Variants in ZNF689 observed in about 807,000 individuals in gnomAD.
ZNF689 encodes zinc finger protein 689.
Under a neutral mutation model 37.2 loss-of-function variants are expected in ZNF689, and 14 were observed. That is an observed-to-expected ratio of 0.38 (90% CI 0.25 to 0.59). The LOEUF (loss-of-function observed/expected upper bound fraction) is 0.59. Ranked by LOEUF, ZNF689 falls within the 20% of genes least tolerant of loss-of-function variation. The probability of loss-of-function intolerance (pLI) is 0.68; values close to 1 mark genes in which losing one functional copy is unlikely to be tolerated. For missense variants in ZNF689, 573 were observed against 700.2 expected, an observed-to-expected ratio of 0.82 and a Z score of 2.05; for synonymous variants, 277 against 283.3, an observed-to-expected ratio of 0.98 and a Z score of 0.22.
chr16:30,606,433 CCTAT>C (rs1372364750), intron 2 of ZNF689, among the ~76,000 whole-genome samples: 1 of 152,132 alleles, frequency 6.6e-6, no homozygotes, highest in African/African-American at 2.4e-5. Context: ...TGTCACCTTC[CCTAT>C]CTTTCTTTCA....
chr16:30,604,664 G>C lies in ZNF689; in HGVS notation c.1103C>G (p.Thr368Ser), dbSNP rs762070941. 6.2e-7 allele frequency: 1 copy of C among 1,611,192 alleles called. No homozygotes were observed. The highest frequency in any genetic ancestry group is 1.3e-5 in the African/African-American group (1 of 74,870). ...STLLQHQLLH[T>S]GEKPYPCPDC... ...TGGGCAGGGGTAGGGCTTCTCTCCG[G>C]TGTGCAAGAGCTGGTGCTGGAGCAG... The change falls in exon 3 of 3, where the codon ACC (threonine) becomes AGC (serine). Residue 368 changes from threonine to serine, a missense_variant. Transcript: ENST00000287461. This position sits in a 1 kb window ranked among gnomAD's most constrained non-coding sequence, Gnocchi z 5.2.
At position 30,605,527 on chromosome 16, in the gene ZNF689, T is replaced by C. The variant is rs1201732087; in HGVS notation, c.320-80A>G. 3.5e-6 allele frequency: 5 copies of C among 1,415,396 alleles called. No individual in the cohort carries two copies. Among genetic ancestry groups the C allele is most frequent in the African/African-American group, 1.4e-5 (1 of 69,648 alleles). 87.7% of individuals were successfully genotyped at this position (1,415,396 alleles called of 1,614,324 possible). On this transcript the variant is annotated intron_variant, in intron 2 of 2. Transcript: ENST00000287461. This position sits in a 1 kb window ranked among gnomAD's most constrained non-coding sequence, Gnocchi z 5.1. The stretch of plus-strand genomic sequence containing the variant: ...ATTACATTATAGGTTACAAGACCAA[T>C]AGACTCACCCCCTGGTCTCAATTCC...
In ZNF689 at chr16:30,605,021, G is replaced by T; in HGVS notation, c.746C>A (p.Ala249Asp). 6.2e-7 allele frequency: 1 copy of T among 1,610,380 alleles called. No homozygotes were observed. The change falls in exon 3 of 3, where the codon GCC (alanine) becomes GAC (aspartate). Residue 249 changes from alanine (A) to aspartate (D), a missense_variant. By Grantham distance (126) the Ala-to-Asp change is moderately radical. Around this residue, in one of 3 missense-constraint regions of ZNF689, gnomAD observed 317 missense variants for 367.1 expected, o/e 0.86. Coordinates refer to ENST00000287461, the MANE Select transcript of ZNF689 (RefSeq NM_138447.3). This position sits in a 1 kb window ranked among gnomAD's most constrained non-coding sequence, Gnocchi z 5.1. The part of the protein sequence containing the change: ...GRCFRRSRSL[A>D]NHRTTHTGEK... Reference sequence around the variant, plus strand: ...ACCTGTGTGTGTGGTCCGGTGATTGGCCAAGGACCGGCTCCTCCGGAAGCA... The same window carrying T: ...ACCTGTGTGTGTGGTCCGGTGATTGTCCAAGGACCGGCTCCTCCGGAAGCA...
At chr16:30,609,126 G>C (rs2052064141) in intron 2 of ZNF689, among the ~76,000 whole-genome samples, 2 of 152,170 alleles carry the variant, frequency 1.3e-5, no homozygotes, top group Non-Finnish European at 2.9e-5. Flanking sequence ...AGGAGGCAGA[G>C]GGTAGCACCT....
chr16:30,610,364 A>C lies in ZNF689; in HGVS notation c.-323T>G. On this transcript the variant is annotated 5_prime_UTR_variant, in exon 1 of 3. Coordinates refer to ENST00000287461, the MANE Select transcript of ZNF689 (RefSeq NM_138447.3). ...ACCGGAGCGCCATGCCGGCTTCCTA[A>C]CCTCTTTGCCCTCAAGTGTAATGGC... The C allele has an allele frequency of 2.9e-6, 1 of 344,794 alleles. No homozygotes were observed. Among genetic ancestry groups the C allele is most frequent in the Non-Finnish European group, 5.3e-6 (1 of 187,464 alleles). 21.4% of individuals were successfully genotyped at this position (344,794 alleles called of 1,614,324 possible). A position where few individuals can be genotyped will look rare whatever the true frequency, so the allele number is the denominator to read the frequency against.
rs1257099960 is a variant in ZNF689 at position 30,609,426 on chromosome 16, C to T, written c.319+99G>A. The T allele has an allele frequency of 2.4e-5, 24 of 996,300 alleles. No individual in the cohort carries two copies. In the Admixed American group the frequency reaches 4.9e-4, roughly 20 times the overall value. 61.7% of individuals were successfully genotyped at this position (996,300 alleles called of 1,614,324 possible). On this transcript the variant is annotated intron_variant, in intron 2 of 2. Coordinates refer to ENST00000287461, the MANE Select transcript of ZNF689 (RefSeq NM_138447.3). ...TGGGAAGATGAATATACTAAATACG[C>T]GGCACCCACCCCTAGCCCAACCAAA...
chr16:30,604,515 T>C lies in ZNF689; in HGVS notation c.1252A>G (p.Ser418Gly). 8.1e-6 allele frequency: 13 copies of C among 1,595,786 alleles called. No individual in the cohort carries two copies. The highest frequency in any genetic ancestry group is 1.1e-5 in the Non-Finnish European group (13 of 1,171,530). The change falls in exon 3 of 3, where the codon AGC becomes GGC. Residue 418 changes from serine (S) to glycine (G), a missense_variant. Physicochemically the swap from Ser to Gly is moderately conservative, Grantham distance 56. This residue lies in a region of ZNF689 where 317 missense variants were observed against 367.1 expected (regional missense o/e 0.86). Coordinates refer to ENST00000287461, the MANE Select transcript of ZNF689 (RefSeq NM_138447.3). This position sits in a 1 kb window ranked among gnomAD's most constrained non-coding sequence, Gnocchi z 5.2. ...TCGCCCGAGTGCACGCGCCGGTGGC[T>C]GGCCAGCAGTGAGGGGTAGGCAAAG... ...RRFAYPSLLA[S>G]HRRVHSGERP...
chr16:30,606,914 C>A (rs978853649), intron 2 of ZNF689, among the ~76,000 whole-genome samples: 2 of 152,094 alleles, frequency 1.3e-5, no homozygotes, highest in African/African-American at 2.4e-5. Context: ...TTTACAGCTA[C>A]ACAGAATTCC....
In ZNF689 at chr16:30,603,789, AAG is replaced by A; in HGVS notation, c.*473_*474del. On this transcript the variant is annotated 3_prime_UTR_variant, in exon 3 of 3. Coordinates refer to ENST00000287461, the MANE Select transcript of ZNF689 (RefSeq NM_138447.3). ...CTTGTGAGGTAGTGAGCTCCCTGTCAAGAGAGATTTTCAAGCAATGGGTAGAA... is the reference window on the plus strand; with the variant it reads ...CTTGTGAGGTAGTGAGCTCCCTGTCAAGAGATTTTCAAGCAATGGGTAGAA... 3 of 309,226 alleles carry A rather than the reference AAG, an allele frequency of 9.7e-6. No individual in the cohort carries two copies. Among genetic ancestry groups the A allele is most frequent in the Non-Finnish European group, 1.9e-5 (3 of 156,452 alleles). The allele number at this position is 309,226 out of a possible 1,614,324, so 19.2% of individuals were successfully genotyped here.
At position 30,610,124 on chromosome 16, in the gene ZNF689, C is replaced by T. The variant is rs1010597708; in HGVS notation, c.-83G>A. On this transcript the variant is annotated 5_prime_UTR_variant, in exon 1 of 3. Coordinates refer to ENST00000287461, the MANE Select transcript of ZNF689 (RefSeq NM_138447.3). Reference sequence around the variant, plus strand: ...TGGCGGCCCCTGGGATCGAGGAGCCCCTGCCGGACCAGGGCTGAGCGTGGC... The same window carrying T: ...TGGCGGCCCCTGGGATCGAGGAGCCTCTGCCGGACCAGGGCTGAGCGTGGC... 1.3e-5 allele frequency: 19 copies of T among 1,464,104 alleles called. No homozygotes were observed. Among genetic ancestry groups the T allele is most frequent in the East Asian group, 2.5e-5 (1 of 40,374 alleles). The allele number at this position is 1,464,104 out of a possible 1,614,324, so 90.7% of individuals were successfully genotyped here.
chr16:30,604,921 T>C lies in ZNF689; in HGVS notation c.846A>G (p.Thr282=), dbSNP rs1198653625. Residue 282 remains threonine (T), a synonymous_variant, in exon 3 of 3, where the codon ACA becomes ACG. Transcript: ENST00000287461. This position sits in a 1 kb window ranked among gnomAD's most constrained non-coding sequence, Gnocchi z 5.2. ...YPSLLAIHQR[T]HTGEKPYTCL... The stretch of plus-strand genomic sequence containing the variant: ...AAGTGTAGGGCTTCTCTCCCGTGTG[T>C]GTACGCTGGTGGATGGCTAGCAGGG... 5 of 1,573,666 alleles carry C rather than the reference T, an allele frequency of 3.2e-6. No homozygotes were observed. In the South Asian group the frequency reaches 4.8e-5, roughly 15 times the overall value.
rs774786270 is a variant in ZNF689 at position 30,609,856 on chromosome 16, G to T, written c.186C>A (p.Tyr62Ter). Residue 62 changes from tyrosine (Y) to a stop codon, truncating the protein, a stop_gained, in exon 1 of 3, where the codon TAC (tyrosine) becomes TAA (stop). Transcript: ENST00000287461. LOFTEE classifies it high-confidence loss of function. ...ALYRDVMRET[Y>*]GHLGALGCAG... is the part of the protein sequence containing the mutation. ...CCTCACCGAGCGCGCCCAGGTGACC[G>T]TAGGTCTCCCGCATCACGTCCCGGT... The T allele has an allele frequency of 6.2e-7, 1 of 1,608,024 alleles. No individual in the cohort carries two copies. The highest frequency in any genetic ancestry group is 8.5e-7 in the Non-Finnish European group (1 of 1,178,052).
At chr16:30,607,592 A>G (rs1283536519) in intron 2 of ZNF689, among the ~76,000 whole-genome samples, 1 of 148,768 alleles carries the variant, frequency 6.7e-6, no homozygotes, top group Non-Finnish European at 1.5e-5. Context: ...CTCCGTCTCA[A>G]AAAAAAAAAA....
At chr16:30,609,486 A>C in intron 2 of ZNF689, 39 bp downstream of exon 2, 8 of 1,585,542 alleles carry the variant, frequency 5.0e-6, no homozygotes, top group Non-Finnish European at 6.1e-6. Context: ...AGAACGTTAT[A>C]GGAGGGCTGC....
chr16:30,605,122 G>A lies in ZNF689; in HGVS notation c.645C>T (p.Ser215=), dbSNP rs201992119. The change falls in exon 3 of 3, where the codon TCC becomes TCT. Residue 215 remains serine (S), a synonymous_variant. Transcript: ENST00000287461. The surrounding 1 kb of genome is among the most constrained non-coding windows in gnomAD (Gnocchi z 5.1). ...YVCDQCGKRF[S]QRKNLSQHQV... is the part of the protein sequence containing the mutation. ...GGTGCTGGGAGAGGTTCTTGCGCTG[G>A]GAGAAACGTTTGCCACACTGGTCAC... 44 of 1,614,060 alleles carry A rather than the reference G, an allele frequency of 2.7e-5. 1 individual carries two copies. In the Admixed American group the frequency reaches 5.2e-4, roughly 19 times the overall value.
At position 30,609,981 on chromosome 16, in the gene ZNF689, T is replaced by A. The variant is rs761735270; in HGVS notation, c.61A>T (p.Lys21Ter). 6.2e-7 allele frequency: 1 copy of A among 1,611,002 alleles called. No individual in the cohort carries two copies. The highest frequency in any genetic ancestry group is 1.1e-5 in the South Asian group (1 of 90,756). ...AGAGCCCTCGGCCTCCTGCCCCTTT[T>A]CCGACTGGGTCTGGCCTTTCCTGGT... ...QGPGKARPSR[K>*]RGRRPRALKF... The change falls in exon 1 of 3, where the codon AAA (lysine) becomes TAA (stop). Residue 21 changes from lysine to a stop codon, truncating the protein, a stop_gained. Coordinates refer to ENST00000287461, the MANE Select transcript of ZNF689 (RefSeq NM_138447.3). LOFTEE classifies it high-confidence loss of function.
intron 2 of ZNF689, among the ~76,000 whole-genome samples, chr16:30,606,936 T>C (rs924576949): frequency 3.3e-5 from 5 of 152,098 alleles, no homozygotes; most frequent in African/African-American, 1.2e-4. Flanking sequence ...TTGTGGATGG[T>C]TTATTTGACT....
chr16:30,607,248 C>CAAAAA (rs758625831), intron 2 of ZNF689, among the ~76,000 whole-genome samples: 1 of 18,634 alleles, frequency 5.4e-5, no homozygotes, highest in Non-Finnish European at 1.6e-4. Context: ...GACTCCATCT[C>CAAAAA]AAAAAAAAAA....
At chr16:30,609,787 G>C (rs1345112795) in intron 1 of ZNF689, 50 bp downstream of exon 1, 3 of 1,571,854 alleles carry the variant, frequency 1.9e-6, no homozygotes, top group Non-Finnish European at 2.6e-6. Flanking sequence ...CACCCTCTCC[G>C]GCTCCTGCAT....
Sources: allele counts gnomAD v4.1 joint callset (sites outside exome capture counted in the v4.1 genomes callset), GRCh38; gene constraint gnomAD v4.1.1; regional missense constraint gnomAD v4.1.1; non-coding constraint Gnocchi (gnomAD v3.1); transcripts MANE v1.5; gene names NCBI Gene and HGNC (gene_info 2026-07-23, HGNC 2026-07-21).